Variants in ZNF282 observed in about 807,000 individuals in gnomAD.
ZNF282 encodes the protein HTLV-I U5 repressive element-binding protein 1.
Under a neutral mutation model 61.9 loss-of-function variants are expected in ZNF282, and 30 were observed. That is an observed-to-expected ratio of 0.48 (90% confidence interval 0.36 to 0.66). The LOEUF is 0.66. Among genes scored for constraint, ZNF282 ranks in the 30% least tolerant of loss-of-function variants. The pLI, the probability that ZNF282 is intolerant of heterozygous loss-of-function variation, is 0.00. For missense variants in ZNF282, 788 were observed against 941.4 expected (o/e 0.84, Z 2.13); for synonymous variants, 396 against 405.0 (o/e 0.98, Z 0.27).
chr7:149,225,979 T>C lies in ZNF282; in HGVS notation c.*1332T>C, dbSNP rs1208725201. ...CCAGGACCCTTGTTTGTGTCAAAAA[T>C]GACTTTCCCTGCCCTTGCCGTGGGT... is the stretch of plus-strand genomic sequence containing the variant. On this transcript the variant is annotated 3_prime_UTR_variant, in exon 8 of 8. Transcript: ENST00000610704. 1.3e-5 allele frequency: 2 copies of C among 152,544 alleles called. No individual in the cohort carries two copies. The highest frequency in any genetic ancestry group is 4.8e-5 in the African/African-American group (2 of 41,454). The allele number at this position is 152,544 out of a possible 1,614,324, so 9.4% of individuals were successfully genotyped here.
In ZNF282 at chr7:149,224,459, A is replaced by G; in HGVS notation, c.1828A>G (p.Ser610Gly). 1 of 1,613,758 alleles carries G rather than the reference A, an allele frequency of 6.2e-7. No homozygotes were observed. Among genetic ancestry groups the G allele is most frequent in the Non-Finnish European group, 8.5e-7 (1 of 1,179,946 alleles). ...RPFQCALCGK[S>G]FIRKQNLLKH... ...TTTCCAATGTGCACTGTGCGGCAAG[A>G]GCTTCATCCGCAAGCAGAACCTGCT... Residue 610 changes from serine (S) to glycine (G), a missense_variant, in exon 8 of 8, where the codon AGC (serine) becomes GGC (glycine). Ser to Gly is a moderately conservative substitution (Grantham distance 56). Around this residue, in one of 3 missense-constraint regions of ZNF282, gnomAD observed 559 missense variants for 642.0 expected, o/e 0.87. Transcript: ENST00000610704.
In ZNF282 at chr7:149,210,622, C is replaced by T. The variant is rs1796067662; in HGVS notation, c.870C>T (p.Ser290=). ...EPLVPAQDAS[S]QVKREDTLCV... is the part of the protein sequence containing the mutation. ...TGGTGCCTGCGCAGGATGCGTCCTCCCAGGTGAAGCGTGAGGACACCCTGT... is the reference window on the plus strand; with the variant it reads ...TGGTGCCTGCGCAGGATGCGTCCTCTCAGGTGAAGCGTGAGGACACCCTGT... Residue 290 remains serine, a synonymous_variant, in exon 5 of 8, where the codon TCC becomes TCT. Transcript: ENST00000610704. 1 of 1,612,516 alleles carries T rather than the reference C, an allele frequency of 6.2e-7. No individual in the cohort carries two copies. The highest frequency in any genetic ancestry group is 8.5e-7 in the Non-Finnish European group (1 of 1,179,444).
intron 7 of ZNF282, among the ~76,000 whole-genome samples, chr7:149,215,194 CA>C (rs1469664025): frequency 6.7e-5 from 8 of 120,110 alleles, no homozygotes; most frequent in African/African-American, 1.1e-4. Flanking sequence ...TATTTCCTGA[CA>C]TTTTTTTTTT....
At chr7:149,220,943 A>C (rs1796239022) in intron 7 of ZNF282, among the ~76,000 whole-genome samples, 1 of 128,800 alleles carries the variant, frequency 7.8e-6, no homozygotes, top group African/African-American at 3.4e-5. Flanking sequence ...TTTTTGAGAT[A>C]AGGTTTCACT....
chr7:149,199,128 G>C (rs1164936309), intron 2 of ZNF282, among the ~76,000 whole-genome samples: 1 of 152,194 alleles, frequency 6.6e-6, no homozygotes, highest in East Asian at 1.9e-4. Context: ...AATGTGGCTG[G>C]AGTCGCACCT....
intron 6 of ZNF282, among the ~76,000 whole-genome samples, chr7:149,212,873 C>T (rs761914573): frequency 4.6e-5 from 7 of 152,192 alleles, no homozygotes; most frequent in African/African-American, 2.4e-5. Context: ...TGAGCCACCG[C>T]GTCCGGCCAT....
chr7:149,198,947 C>T lies in ZNF282; in HGVS notation c.585+195C>T, dbSNP rs1795866212. On this transcript the variant is annotated intron_variant, in intron 2 of 7. Transcript: ENST00000610704. This position sits in a 1 kb window ranked among gnomAD's most constrained non-coding sequence, Gnocchi z 4.3. ...CTACCCCAGCAAGGCTCACTCCATTCATTCCCCACAGTCTGCATTTCTGTC... is the reference window on the plus strand; with the variant it reads ...CTACCCCAGCAAGGCTCACTCCATTTATTCCCCACAGTCTGCATTTCTGTC... 6.6e-6 allele frequency among the ~76,000 whole-genome samples: 1 copy of T among 152,232 alleles called. No individual in the cohort carries two copies. Among genetic ancestry groups the T allele is most frequent in the Non-Finnish European group, 1.5e-5 (1 of 68,038 alleles).
intron 7 of ZNF282, among the ~76,000 whole-genome samples, chr7:149,221,057 C>T (rs529474061): frequency 2.9e-4 from 44 of 152,080 alleles, no homozygotes; most frequent in Non-Finnish European, 5.4e-4. Flanking sequence ...GTAGCTGGGA[C>T]CACAGGCGTG....
chr7:149,208,133 T>C (rs1796027430), intron 4 of ZNF282, among the ~76,000 whole-genome samples: 1 of 152,186 alleles, frequency 6.6e-6, no homozygotes, highest in Non-Finnish European at 1.5e-5. Context: ...CAAACTGTGT[T>C]CTCTACCTCA....
chr7:149,219,182 T>C (rs1202395), intron 7 of ZNF282, among the ~76,000 whole-genome samples: 21,793 of 152,144 alleles, frequency 0.14, 1,718 homozygotes, highest in Middle Eastern at 0.2. Flanking sequence ...GGCAGCCCCA[T>C]CCTTTGTCAT....
Position 149,195,728 on chromosome 7 carries a change from A to G in ZNF282, c.139A>G (p.Met47Val). The change falls in exon 1 of 8, where the codon ATG becomes GTG. Residue 47 changes from methionine to valine, a missense_variant. This residue lies in a region of ZNF282 where 137 missense variants were observed against 135.4 expected (regional missense o/e 1.01). Coordinates refer to ENST00000610704, the MANE Select transcript of ZNF282 (RefSeq NM_003575.4). ...CCAGGAGCCGGCGCTGCGCGGGGAA[A>G]TGGCCGAGGGAATGCCGCCCATGCA... ...CHQEPALRGEMAEGMPPMQAQ... is the reference protein window; with the variant it reads ...CHQEPALRGEVAEGMPPMQAQ... 1 of 1,539,388 alleles carries G rather than the reference A, an allele frequency of 6.5e-7. No homozygotes were observed. Among genetic ancestry groups the G allele is most frequent in the Non-Finnish European group, 8.7e-7 (1 of 1,143,754 alleles).
At chr7:149,211,654 C>T (rs1796087890) in intron 5 of ZNF282, among the ~76,000 whole-genome samples, 1 of 152,116 alleles carries the variant, frequency 6.6e-6, no homozygotes, top group South Asian at 2.1e-4. Flanking sequence ...ATACTGTAGC[C>T]CTTTACTTAT....
At chr7:149,222,126 G>C (rs1029144923) in intron 7 of ZNF282, among the ~76,000 whole-genome samples, 3 of 152,180 alleles carry the variant, frequency 2.0e-5, no homozygotes, top group Non-Finnish European at 4.4e-5. Flanking sequence ...CCATTCTGAT[G>C]CTCAGAGCCT....
chr7:149,203,186 C>A (rs1795942496), intron 2 of ZNF282, among the ~76,000 whole-genome samples: 1 of 152,196 alleles, frequency 6.6e-6, no homozygotes, highest in African/African-American at 2.4e-5. Context: ...TTTGTCTGTT[C>A]TGTGTGTCTC....
chr7:149,206,686 G>T lies in ZNF282; in HGVS notation c.586-10G>T, dbSNP rs375162163. 129 of 1,614,130 alleles carry T rather than the reference G, an allele frequency of 8.0e-5. No homozygotes were observed. In the African/African-American group the frequency reaches 1.3e-3, roughly 17 times the overall value. ...GCAGGAGGCGCTAGATTAACCGCTT[G>T]TTGGCTTAGGTTCCAGTGACTTTTG... On this transcript the variant is annotated splice_polypyrimidine_tract_variant and intron_variant, in intron 2 of 7. Transcript: ENST00000610704.
At chr7:149,210,023 G>A (rs1233560779) in intron 4 of ZNF282, among the ~76,000 whole-genome samples, 1 of 152,204 alleles carries the variant, frequency 6.6e-6, no homozygotes, top group African/African-American at 2.4e-5. Flanking sequence ...CCAAGAACCT[G>A]CTGACGACAG....
Position 149,212,364 on chromosome 7 carries a change from C to T in ZNF282, c.959C>T (p.Pro320Leu), listed in dbSNP as rs935946925. The change falls in exon 6 of 8, where the codon CCA (proline) becomes CTA (leucine). Residue 320 changes from proline (P) to leucine (L), a missense_variant. Pro to Leu is a moderately conservative substitution (Grantham distance 98, BLOSUM62 -3). This residue lies in a region of ZNF282 where 559 missense variants were observed against 642.0 expected (regional missense o/e 0.87). Coordinates refer to ENST00000610704, the MANE Select transcript of ZNF282 (RefSeq NM_003575.4). ...CTCTTGTTCCCGCAAGTAGACTCCC[C>T]AATTTCTGCCCAGGACCTCTTGTCC... The part of the protein sequence containing the change: ...AIPTESITDS[P>L]ISAQDLLSRI... 4 of 1,609,524 alleles carry T rather than the reference C, an allele frequency of 2.5e-6. No individual in the cohort carries two copies. Among genetic ancestry groups the T allele is most frequent in the Non-Finnish European group, 3.4e-6 (4 of 1,178,422 alleles).
At chr7:149,201,590 A>G (rs112401501) in intron 2 of ZNF282, among the ~76,000 whole-genome samples, 15,193 of 152,072 alleles carry the variant, frequency 0.1, 798 homozygotes, top group Middle Eastern at 0.16. Context: ...CATCTCTACT[A>G]AAAATACAAA....
At position 149,198,855 on chromosome 7, in the gene ZNF282, C is replaced by A. The variant is rs945826747; in HGVS notation, c.585+103C>A. On this transcript the variant is annotated intron_variant, in intron 2 of 7. Coordinates refer to ENST00000610704, the MANE Select transcript of ZNF282 (RefSeq NM_003575.4). The surrounding 1 kb of genome is among the most constrained non-coding windows in gnomAD (Gnocchi z 4.3). ...GCCCTTCTCATAAACTTCTCTGGCTCCCCGTTATCCAATTTCAGTGTCTTC... is the reference window on the plus strand; with the variant it reads ...GCCCTTCTCATAAACTTCTCTGGCTACCCGTTATCCAATTTCAGTGTCTTC... The A allele has an allele frequency of 2.1e-6, 3 of 1,438,768 alleles. No homozygotes were observed. The highest frequency in any genetic ancestry group is 2.8e-6 in the Non-Finnish European group (3 of 1,080,290). 89.1% of individuals were successfully genotyped at this position (1,438,768 alleles called of 1,614,324 possible).
Sources: allele counts gnomAD v4.1 joint callset (sites outside exome capture counted in the v4.1 genomes callset), GRCh38; gene constraint gnomAD v4.1.1; regional missense constraint gnomAD v4.1.1; non-coding constraint Gnocchi (gnomAD v3.1); transcripts MANE v1.5; gene names NCBI Gene and HGNC (gene_info 2026-07-23, HGNC 2026-07-21).